ZNF699: variants seen among roughly 807,000 people sequenced by gnomAD.
ZNF699 encodes the protein zinc finger protein 699.
Under a neutral mutation model 22.5 loss-of-function variants are expected in ZNF699, and 18 were observed. The ratio of observed to expected loss-of-function variants is 0.80; its 90% CI spans 0.55 to 1.19. The LOEUF (loss-of-function observed/expected upper bound fraction) is 1.19. Among genes scored for constraint, ZNF699 ranks in the 50% most tolerant of loss-of-function variants. ZNF699 has a pLI of 0.00. For synonymous variants in ZNF699, 241 were observed against 262.3 expected, an observed-to-expected ratio of 0.92 and a Z score of 0.78; for missense variants, 670 against 763.4, an observed-to-expected ratio of 0.88 and a Z score of 1.44.
intron 3 of ZNF699, among the ~76,000 whole-genome samples, chr19:9,299,815 A>T (rs1465703907): frequency 6.6e-6 from 1 of 152,038 alleles, no homozygotes; most frequent in Admixed American, 6.6e-5. Flanking sequence ...GATATCATAC[A>T]GAAAAAAACA....
chr19:9,301,191 T>A (rs1419075153), intron 3 of ZNF699, among the ~76,000 whole-genome samples: 1 of 151,692 alleles, frequency 6.6e-6, no homozygotes, highest in East Asian at 1.9e-4. Flanking sequence ...AAATGTTACC[T>A]TATTTAGAAA....
intron 1 of ZNF699, among the ~76,000 whole-genome samples, chr19:9,307,149 C>T (rs1413997641): frequency 6.6e-6 from 1 of 152,094 alleles, no homozygotes; most frequent in Non-Finnish European, 1.5e-5. Context: ...TGCAGTAAGC[C>T]GAAATCACAC....
Position 9,296,464 on chromosome 19 carries a change from T to C in ZNF699, c.940A>G (p.Lys314Glu). The C allele has an allele frequency of 6.2e-7, 1 of 1,614,216 alleles. No homozygotes were observed. Among genetic ancestry groups the C allele is most frequent in the Non-Finnish European group, 8.5e-7 (1 of 1,180,032 alleles). ...DKPYECKECG[K>E]AFSCSSSLSK... ...AGTGAGGAGGAACAACTGAAGGCCT[T>C]CCCACATTCCTTACATTCATAAGGC... Residue 314 changes from lysine to glutamate, a missense_variant, in exon 6 of 6, where the codon AAG becomes GAG. Physicochemically the swap from Lys to Glu is moderately conservative, Grantham distance 56. Transcript: ENST00000591998.
chr19:9,309,719 C>G lies in ZNF699; in HGVS notation c.-375G>C, dbSNP rs1448424450. 6.6e-6 allele frequency: 1 copy of G among 152,426 alleles called. No homozygotes were observed. Among genetic ancestry groups the G allele is most frequent in the African/African-American group, 2.4e-5 (1 of 41,464 alleles). 9.4% of individuals were successfully genotyped at this position (152,426 alleles called of 1,614,324 possible). On this transcript the variant is annotated 5_prime_UTR_variant, in exon 1 of 6. Coordinates refer to ENST00000591998, the MANE Select transcript of ZNF699 (RefSeq NM_198535.3). ...AACCCAGCCCTCGGTCTCCCGCGGA[C>G]CCGACCCGGGGCAGGCAGGGCGGGG...
Position 9,305,266 on chromosome 19 carries a change from TACACACACACAC to T in ZNF699, c.-5-154_-5-143del, listed in dbSNP as rs755417456. 1.5e-5 allele frequency: 9 copies of T among 584,026 alleles called. No homozygotes were observed. In the Admixed American group the frequency reaches 1.9e-4, roughly 12 times the overall value. The allele number at this position is 584,026 out of a possible 1,614,324, so 36.2% of individuals were successfully genotyped here. On this transcript the variant is annotated intron_variant, in intron 1 of 5. Coordinates refer to ENST00000591998, the MANE Select transcript of ZNF699 (RefSeq NM_198535.3). ...AAGTAACAACTCCCCTCAAAACACA[TACACACACACAC>T]ACACACACATGCACACACCCAAGAC...
rs2066312084 is a variant in ZNF699 at position 9,302,639 on chromosome 19, G to C, written c.49-135C>G. 5 of 831,096 alleles carry C rather than the reference G, an allele frequency of 6.0e-6. No individual in the cohort carries two copies. In the South Asian group the frequency reaches 9.8e-5, roughly 16 times the overall value. 51.5% of individuals were successfully genotyped at this position (831,096 alleles called of 1,614,324 possible). ...TCAGAAGATCCCAGCATCTACTCTA[G>C]GGCTCAGTCAACAAATCTCTCTCTC... On this transcript the variant is annotated intron_variant, in intron 2 of 5. Coordinates refer to ENST00000591998, the MANE Select transcript of ZNF699 (RefSeq NM_198535.3).
Position 9,296,090 on chromosome 19 carries a change from C to T in ZNF699, c.1314G>A (p.Val438=). The T allele has an allele frequency of 6.2e-7, 1 of 1,605,484 alleles. No individual in the cohort carries two copies. The highest frequency in any genetic ancestry group is 8.5e-7 in the Non-Finnish European group (1 of 1,177,024). ...AGGGTTTCTCTCGACTTTGATTTTTCACATGTGTATTAAGGGAAGTGGGAA... is the reference window on the plus strand; with the variant it reads ...AGGGTTTCTCTCGACTTTGATTTTTTACATGTGTATTAAGGGAAGTGGGAA... ...FYLPTSLNTH[V]KNQSREKPYE... The change falls in exon 6 of 6, where the codon GTG becomes GTA. Residue 438 remains valine (V), a synonymous_variant. Coordinates refer to ENST00000591998, the MANE Select transcript of ZNF699 (RefSeq NM_198535.3).
In ZNF699 at chr19:9,296,151, G is replaced by A. The variant is rs372897468; in HGVS notation, c.1253C>T (p.Pro418Leu). ...IHMRKHTGEKPYECLECGKAF... is the reference protein window; with the variant it reads ...IHMRKHTGEKLYECLECGKAF... ...CTTTCCACATTCCAGACATTCATAC[G>A]GTTTTTCTCCAGTGTGTTTTCTCAT... is the stretch of plus-strand genomic sequence containing the variant. The change falls in exon 6 of 6, where the codon CCG becomes CTG. Residue 418 changes from proline to leucine, a missense_variant. By Grantham distance (98) the Pro-to-Leu change is moderately conservative. Coordinates refer to ENST00000591998, the MANE Select transcript of ZNF699 (RefSeq NM_198535.3). 2.5e-5 allele frequency: 40 copies of A among 1,613,658 alleles called. No homozygotes were observed. The highest frequency in any genetic ancestry group is 3.3e-5 in the South Asian group (3 of 91,058).
chr19:9,296,636 A>T lies in ZNF699; in HGVS notation c.768T>A (p.Cys256Ter). Residue 256 changes from cysteine to a stop codon, truncating the protein, a stop_gained, in exon 6 of 6, where the codon TGT (cysteine) becomes TGA (stop). Transcript: ENST00000591998. LOFTEE classifies it low-confidence loss of function (END_TRUNC). ...TEEKPYECKE[C>*]TKAFSCSSFF... ...ATGAGGAACAGCTGAAGGCTTTGGT[A>T]CATTCCTTACATTCATAGGGCTTCT... 1 of 1,614,148 alleles carries T rather than the reference A, an allele frequency of 6.2e-7. No individual in the cohort carries two copies. Among genetic ancestry groups the T allele is most frequent in the Non-Finnish European group, 8.5e-7 (1 of 1,180,022 alleles).
In ZNF699 at chr19:9,296,224, T is replaced by C. The variant is rs752229782; in HGVS notation, c.1180A>G (p.Lys394Glu). 3.2e-5 allele frequency: 51 copies of C among 1,613,954 alleles called. No homozygotes were observed. Among genetic ancestry groups the C allele is most frequent in the Admixed American group, 2.8e-4 (17 of 59,998 alleles). ...CAATTGTAGGCTTTCCCACATTCCT[T>C]ACATTTATAGGGTTTCTCTCCAGTA... ...THTGEKPYKC[K>E]ECGKAYNCPS... The change falls in exon 6 of 6, where the codon AAG (lysine) becomes GAG (glutamate). Residue 394 changes from lysine to glutamate, a missense_variant. Physicochemically the swap from Lys to Glu is moderately conservative, Grantham distance 56 (BLOSUM62 1). Coordinates refer to ENST00000591998, the MANE Select transcript of ZNF699 (RefSeq NM_198535.3).
chr19:9,296,566 CAT>C lies in ZNF699; in HGVS notation c.836_837del (p.Tyr279Ter). On this transcript the variant is annotated frameshift_variant, in exon 6 of 6. Coordinates refer to ENST00000591998, the MANE Select transcript of ZNF699 (RefSeq NM_198535.3). LOFTEE classifies it low-confidence loss of function (END_TRUNC). ...AAACCTTTCCCACATTCTTTACATT[CAT>C]AGTTTGTCTTTCCGATGTGAATCTT... ...HMKIHIGKTN[Y>X]ECKECGKGFS... 10 of 1,614,156 alleles carry C rather than the reference CAT, an allele frequency of 6.2e-6. No individual in the cohort carries two copies. Among genetic ancestry groups the C allele is most frequent in the Non-Finnish European group, 7.6e-6 (9 of 1,180,010 alleles).
At chr19:9,308,823 G>A (rs2144987015) in intron 1 of ZNF699, among the ~76,000 whole-genome samples, 1 of 152,254 alleles carries the variant, frequency 6.6e-6, no homozygotes, top group Middle Eastern at 3.4e-3. Flanking sequence ...GAAACTGCAA[G>A]GAATAAAAAG....
rs1568343528 is a variant in ZNF699, at chr19:9,292,052, C to A, written c.*3423G>T. Among the ~76,000 whole-genome samples the A allele has an allele frequency of 6.6e-6, 1 of 152,156 alleles. No individual in the cohort carries two copies. The highest frequency in any genetic ancestry group is 1.5e-5 in the Non-Finnish European group (1 of 68,026). On this transcript the variant is annotated 3_prime_UTR_variant, in exon 6 of 6. Coordinates refer to ENST00000591998, the MANE Select transcript of ZNF699 (RefSeq NM_198535.3). ...CACATGTTAATGGATGACACCTGACCTTTCTAAAATGCTATCTAGGAACTA... is the reference window on the plus strand; with the variant it reads ...CACATGTTAATGGATGACACCTGACATTTCTAAAATGCTATCTAGGAACTA...
At chr19:9,307,058 G>A (rs114675166) in intron 1 of ZNF699, among the ~76,000 whole-genome samples, 3,698 of 152,164 alleles carry the variant, frequency 0.024, 103 homozygotes, top group African/African-American at 0.076. Flanking sequence ...AAAATCAGCC[G>A]GGCATGGTGG....
chr19:9,296,495 T>C lies in ZNF699; in HGVS notation c.909A>G (p.Gly303=). 6.2e-7 allele frequency: 1 copy of C among 1,614,196 alleles called. No individual in the cohort carries two copies. The highest frequency in any genetic ancestry group is 8.5e-7 in the Non-Finnish European group (1 of 1,180,014). The stretch of plus-strand genomic sequence containing the variant: ...ATTCCTTACATTCATAAGGCTTATC[T>C]CCACTGTGAATTCTTTTGTGTTCTG... ...SLTEHKRIHS[G]DKPYECKECG... The change falls in exon 6 of 6, where the codon GGA becomes GGG. Residue 303 remains glycine, a synonymous_variant. Coordinates refer to ENST00000591998, the MANE Select transcript of ZNF699 (RefSeq NM_198535.3).
chr19:9,304,551 T>C (rs969230479), intron 2 of ZNF699, among the ~76,000 whole-genome samples: 1 of 152,168 alleles, frequency 6.6e-6, no homozygotes, highest in Non-Finnish European at 1.5e-5. Flanking sequence ...AAATACAGTT[T>C]TATTGGAACA....
intron 1 of ZNF699, 129 bp from the exon 2 acceptor site, chr19:9,305,253 C>T (rs1316374807): frequency 6.0e-6 from 4 of 663,302 alleles, no homozygotes; most frequent in African/African-American, 2.2e-5. Flanking sequence ...GTAACAACTC[C>T]CCTCAAAACA....
At chr19:9,303,746 C>T (rs1264519205) in intron 2 of ZNF699, among the ~76,000 whole-genome samples, 1 of 152,134 alleles carries the variant, frequency 6.6e-6, no homozygotes, top group Non-Finnish European at 1.5e-5. Flanking sequence ...ACAAAAGACG[C>T]TCTTATTGCT....
At chr19:9,307,195 T>A (rs751898127) in intron 1 of ZNF699, among the ~76,000 whole-genome samples, 1 of 152,164 alleles carries the variant, frequency 6.6e-6, no homozygotes, top group Non-Finnish European at 1.5e-5. Flanking sequence ...AGCCAGACTC[T>A]GTCTCAAAAT....
Sources: allele counts gnomAD v4.1 joint callset (sites outside exome capture counted in the v4.1 genomes callset), GRCh38; gene constraint gnomAD v4.1.1; transcripts MANE v1.5; gene names NCBI Gene and HGNC (gene_info 2026-07-23, HGNC 2026-07-21).